ZNF683: variants seen among roughly 807,000 people sequenced by gnomAD.
ZNF683 encodes the protein zinc finger protein 683.
In ZNF683, 20 loss-of-function variants were observed where a neutral mutation model predicts 31.4. The observed-to-expected ratio is 0.64, with a 90% CI of 0.45 to 0.93. The LOEUF is 0.93. Ranked by LOEUF, ZNF683 falls within the 40% of genes least tolerant of loss-of-function variation. ZNF683 has a pLI of 0.00. For missense variants in ZNF683, 621 were observed against 637.2 expected (o/e 0.97, Z 0.27); for synonymous variants, 264 against 267.6 (o/e 0.99, Z 0.13).
In ZNF683 at chr1:26,364,520, G is replaced by C; in HGVS notation, c.1014+12C>G. The C allele has an allele frequency of 6.2e-7, 1 of 1,613,588 alleles. No individual in the cohort carries two copies. On this transcript the variant is annotated intron_variant, in intron 4 of 5. Transcript: ENST00000349618. Reference sequence around the variant, plus strand: ...ATGTTGAGGGGAGAAGCAGAGCCCAGGAGGCAGATACCTTGAGATTGGAGA... The same window carrying C: ...ATGTTGAGGGGAGAAGCAGAGCCCACGAGGCAGATACCTTGAGATTGGAGA...
At chr1:26,362,115 CCT>C (rs1216313474) in intron 5 of ZNF683, 93 bp from the exon 6 acceptor site, 2 of 1,613,504 alleles carry the variant, frequency 1.2e-6, no homozygotes, top group East Asian at 4.5e-5. Context: ...CCATGACCCA[CCT>C]CTCTTTCCCT....
At position 26,367,806 on chromosome 1, in the gene ZNF683, C is replaced by A. The variant is rs753508622; in HGVS notation, c.115-9G>T. The A allele has an allele frequency of 3.8e-6, 6 of 1,566,402 alleles. No individual in the cohort carries two copies. The highest frequency in any genetic ancestry group is 1.2e-5 in the South Asian group (1 of 84,274). Reference sequence around the variant, plus strand: ...CTGCAGGCTGAGAAGACCTGGAGGGCAGGGGCAAGGGGCTTGGGGGCTGGT... The same window carrying A: ...CTGCAGGCTGAGAAGACCTGGAGGGAAGGGGCAAGGGGCTTGGGGGCTGGT... On this transcript the variant is annotated splice_polypyrimidine_tract_variant and intron_variant, in intron 2 of 5. Coordinates refer to ENST00000349618, the MANE Select transcript of ZNF683 (RefSeq NM_001114759.3).
At chr1:26,366,573 G>C (rs796493309) in intron 3 of ZNF683, among the ~76,000 whole-genome samples, 12 of 152,032 alleles carry the variant, frequency 7.9e-5, no homozygotes, top group African/African-American at 2.9e-4. Context: ...TATGGATGAA[G>C]AAACCAGACC....
intron 5 of ZNF683, 186 bp from the exon 6 acceptor site, chr1:26,362,208 G>C: frequency 6.4e-7 from 1 of 1,560,282 alleles, no homozygotes; most frequent in Middle Eastern, 1.7e-4. Context: ...ACTTGGGTTA[G>C]TGTCCTTTAC....
chr1:26,368,682 C>G, intron 1 of ZNF683, 97 bp from the exon 2 acceptor site: 1 of 1,355,814 alleles, frequency 7.4e-7, no homozygotes. Context: ...TGCATGACCA[C>G]AAGTTATTCA....
rs765641539 is a variant in ZNF683 at position 26,364,963 on chromosome 1, C to T, written c.583G>A (p.Gly195Arg). The T allele has an allele frequency of 3.2e-6, 5 of 1,567,056 alleles. No homozygotes were observed. Among genetic ancestry groups the T allele is most frequent in the Non-Finnish European group, 4.3e-6 (5 of 1,159,666 alleles). ...GGTGGAGGCAGGAGAAGTGGGTATC[C>T]AGGGTAGAAGGCGTGGAGGAGAAAT... ...LPFLLHAFYP[G>R]YPLLLPPPHL... The change falls in exon 4 of 6, where the codon GGA (glycine) becomes AGA (arginine). Residue 195 changes from glycine to arginine, a missense_variant. By Grantham distance (125) the Gly-to-Arg change is moderately radical. Transcript: ENST00000349618.
At chr1:26,366,245 C>T (rs1384473613) in intron 3 of ZNF683, among the ~76,000 whole-genome samples, 1 of 151,574 alleles carries the variant, frequency 6.6e-6, no homozygotes, top group Admixed American at 6.6e-5. Flanking sequence ...CTGTAGTAGT[C>T]CCAGCTACCC....
In ZNF683 at chr1:26,365,099, G is replaced by A. The variant is rs2074488799; in HGVS notation, c.447C>T (p.Ala149=). 1 of 1,607,008 alleles carries A rather than the reference G, an allele frequency of 6.2e-7. No individual in the cohort carries two copies. Among genetic ancestry groups the A allele is most frequent in the Non-Finnish European group, 8.5e-7 (1 of 1,176,730 alleles). Residue 149 remains alanine (A), a synonymous_variant, in exon 4 of 6, where the codon GCC becomes GCT. Transcript: ENST00000349618. ...ERAGEGAPCP[A]FSSHNSSSPP... is the part of the protein sequence containing the mutation. ...GGGAAGAGCTGTTATGAGAGGAGAA[G>A]GCTGGGCAGGGGGCCCCCTCGCCAG...
rs750634558 is a variant in ZNF683 at position 26,367,643 on chromosome 1, G to C, written c.269C>G (p.Ala90Gly). 6.5e-5 allele frequency: 105 copies of C among 1,612,040 alleles called. No individual in the cohort carries two copies. The South Asian group carries it at 1.1e-3, about 17-fold the overall frequency. ...LDLNLCTPQPAPLGTDLQGLQ... is the reference protein window; with the variant it reads ...LDLNLCTPQPGPLGTDLQGLQ... ...GCCCTGCAGGTCTGTGCCCAGGGGTGCCGGCTGTGGGGTGCACAGGTTCAG... is the reference window on the plus strand; with the variant it reads ...GCCCTGCAGGTCTGTGCCCAGGGGTCCCGGCTGTGGGGTGCACAGGTTCAG... Residue 90 changes from alanine to glycine, a missense_variant, in exon 3 of 6, where the codon GCA (alanine) becomes GGA (glycine). Ala to Gly is a moderately conservative substitution (Grantham distance 60). Transcript: ENST00000349618.
chr1:26,369,978 T>C (rs1458215504), intron 1 of ZNF683, among the ~76,000 whole-genome samples: 1 of 150,846 alleles, frequency 6.6e-6, no homozygotes, highest in Non-Finnish European at 1.5e-5. Flanking sequence ...TGGGCGAGGA[T>C]AGAGCAAGAC....
chr1:26,364,703 G>T lies in ZNF683; in HGVS notation c.843C>A (p.Thr281=), dbSNP rs574733527. ...CACCACGCTCCAGGCCTGGGGAGTC[G>T]GTTGGGGCAGCTCCAGCACCTGGAT... is the stretch of plus-strand genomic sequence containing the variant. The part of the protein sequence containing the change: ...ARNPGAGAAP[T]DSPGLERGGM... Residue 281 remains threonine (T), a synonymous_variant, in exon 4 of 6, where the codon ACC becomes ACA. Coordinates refer to ENST00000349618, the MANE Select transcript of ZNF683 (RefSeq NM_001114759.3). 29 of 1,613,898 alleles carry T rather than the reference G, an allele frequency of 1.8e-5. No homozygotes were observed. Among genetic ancestry groups the T allele is most frequent in the Non-Finnish European group, 2.5e-5 (29 of 1,179,862 alleles).
At chr1:26,368,338 G>T in intron 2 of ZNF683, 120 bp downstream of exon 2, 1 of 1,240,574 alleles carries the variant, frequency 8.1e-7, no homozygotes. Context: ...GCCTGGGATA[G>T]GGGGTGCTCA....
intron 4 of ZNF683, among the ~76,000 whole-genome samples, chr1:26,363,371 C>T (rs2074434606): frequency 6.6e-6 from 1 of 152,190 alleles, no homozygotes; most frequent in Non-Finnish European, 1.5e-5. Flanking sequence ...TTGTGGAACA[C>T]TGCTATTCAA....
In ZNF683 at chr1:26,361,914, G is replaced by C. The variant is rs377351548; in HGVS notation, c.1252C>G (p.His418Asp). Residue 418 changes from histidine (H) to aspartate (D), a missense_variant, in exon 6 of 6, where the codon CAC becomes GAC. Physicochemically the swap from His to Asp is moderately conservative, Grantham distance 81 (BLOSUM62 -1). Coordinates refer to ENST00000349618, the MANE Select transcript of ZNF683 (RefSeq NM_001114759.3). ...CGATGGTGCAGCTTCAGGTGGATGTGCTGGGTGAAGCGACTCCGGCAGACA... is the reference window on the plus strand; with the variant it reads ...CGATGGTGCAGCTTCAGGTGGATGTCCTGGGTGAAGCGACTCCGGCAGACA... ...CSVCRSRFTQ[H>D]IHLKLHHRLH... The C allele has an allele frequency of 3.0e-5, 49 of 1,614,008 alleles. No individual in the cohort carries two copies. The East Asian group carries it at 5.3e-4, about 18-fold the overall frequency.
At chr1:26,363,922 T>A (rs1003157382) in intron 4 of ZNF683, among the ~76,000 whole-genome samples, 1 of 152,150 alleles carries the variant, frequency 6.6e-6, no homozygotes, top group African/African-American at 2.4e-5. Context: ...AACCACAATG[T>A]GCCTTCAACT....
At chr1:26,363,294 T>G in intron 4 of ZNF683, 140 bp from the exon 5 acceptor site, 10 of 1,167,452 alleles carry the variant, frequency 8.6e-6, no homozygotes, top group Non-Finnish European at 1.2e-5. Context: ...TACTCTACTC[T>G]TTCTGCTGCC....
intron 1 of ZNF683, chr1:26,372,423 A>G (rs1310738606): frequency 1.6e-6 from 2 of 1,255,052 alleles, no homozygotes; most frequent in Non-Finnish European, 2.1e-6. Flanking sequence ...TCCCATTATA[A>G]AAGCCGAAAT....
At chr1:26,372,560 C>T (rs6699091) in intron 1 of ZNF683, 109 bp downstream of exon 1, 2 of 1,304,820 alleles carry the variant, frequency 1.5e-6, no homozygotes, top group Non-Finnish European at 2.0e-6. Flanking sequence ...GCCAGCTCTG[C>T]CCTCTCCTGG....
chr1:26,364,434 C>T (rs1470773248), intron 4 of ZNF683, 98 bp downstream of exon 4: 22 of 1,420,464 alleles, frequency 1.5e-5, no homozygotes, highest in Non-Finnish European at 2.2e-5. Context: ...CCAGGAGTGC[C>T]TTCTAGCTTT....
Sources: gnomAD v4.1 joint callset for allele counts (sites outside exome capture counted in the v4.1 genomes callset) on GRCh38, gnomAD v4.1.1 for gene constraint, MANE v1.5 for transcripts, NCBI Gene and HGNC (gene_info 2026-07-23, HGNC 2026-07-21) for gene names.